Variants in ULK4 observed in about 807,000 individuals in gnomAD.
ULK4 encodes the protein inactive serine/threonine-protein kinase ULK4.
Under a neutral mutation model 160.6 loss-of-function variants are expected in ULK4, and 133 were observed. That is an observed-to-expected ratio of 0.83 (90% CI 0.72 to 0.96). The LOEUF is 0.96. ULK4 is among the 40% of genes least tolerant of loss of function. The probability of loss-of-function intolerance (pLI) is 0.00; values close to 1 mark genes in which losing one functional copy is unlikely to be tolerated. For synonymous variants in ULK4, 534 were observed against 539.8 expected, an observed-to-expected ratio of 0.99 and a Z score of 0.15; for missense variants, 1,580 against 1,499.5, an observed-to-expected ratio of 1.05 and a Z score of -0.89.
chr3:41,529,824 G>A (rs1292173565), intron 32 of ULK4, among the ~76,000 whole-genome samples: 4 of 152,124 alleles, frequency 2.6e-5, no homozygotes. Context: ...GATTATTTTT[G>A]CCTTTTCTAT....
intron 32 of ULK4, among the ~76,000 whole-genome samples, chr3:41,516,638 T>A (rs1263502219): frequency 7.1e-6 from 1 of 140,014 alleles, no homozygotes; most frequent in Non-Finnish European, 1.5e-5. Context: ...ATCAGAACAA[T>A]TGAACTCATG....
At chr3:41,839,653 T>C (rs2041855830) in intron 17 of ULK4, among the ~76,000 whole-genome samples, 1 of 151,812 alleles carries the variant, frequency 6.6e-6, no homozygotes, top group South Asian at 2.1e-4. Context: ...CAGATAATTA[T>C]TTGCAAATGA....
At chr3:41,408,734 A>C (rs2082347738) in intron 34 of ULK4, among the ~76,000 whole-genome samples, 1 of 152,154 alleles carries the variant, frequency 6.6e-6, no homozygotes, top group Non-Finnish European at 1.5e-5. Flanking sequence ...ACAGTAATCC[A>C]ACAAATGTGG....
chr3:41,763,105 A>G (rs947629384), intron 21 of ULK4, among the ~76,000 whole-genome samples: 59 of 152,268 alleles, frequency 3.9e-4, no homozygotes, highest in African/African-American at 1.4e-3. Flanking sequence ...ACAATTCAAG[A>G]TAAGATTTAG....
Position 41,543,438 on chromosome 3 carries a change from G to A in ULK4, c.3226+22587C>T, listed in dbSNP as rs765683762. On this transcript the variant is annotated intron_variant, in intron 32 of 36. Transcript: ENST00000301831. ...TCTGGGAGGATATTAGAACAATGTT[G>A]TATTGTGTGTGGAAGAGACAGAATC... Among the ~76,000 whole-genome samples, 72 of 152,244 alleles carry A rather than the reference G, an allele frequency of 4.7e-4. 1 individual carries two copies. In the Middle Eastern group the frequency reaches 0.01, roughly 22 times the overall value.
At position 41,957,551 on chromosome 3, in the gene ULK4, T is replaced by C. The variant is rs79152134; in HGVS notation, c.-48-2744A>G. ...CAGAAATTCACAACATATCTACATA[T>C]CAAAACAGCACATTGGCCAGGCACG... On this transcript the variant is annotated intron_variant, in intron 1 of 36. Transcript: ENST00000301831. 6.0e-5 allele frequency among the ~76,000 whole-genome samples: 9 copies of C among 150,700 alleles called. No individual in the cohort carries two copies. In the East Asian group the frequency reaches 1.8e-3, roughly 30 times the overall value.
chr3:41,632,747 A>C (rs2033799900), intron 30 of ULK4, among the ~76,000 whole-genome samples: 1 of 152,152 alleles, frequency 6.6e-6, no homozygotes, highest in Non-Finnish European at 1.5e-5. Context: ...AAAAAAAAAA[A>C]ACCTCATAGT....
At chr3:41,393,650 G>A (rs2081999781) in intron 35 of ULK4, among the ~76,000 whole-genome samples, 2 of 152,126 alleles carry the variant, frequency 1.3e-5, no homozygotes, top group South Asian at 2.1e-4. Flanking sequence ...ATCCCTGAGG[G>A]CAGGGAGCAG....
At chr3:41,663,186 A>C (rs1186691224) in intron 30 of ULK4, among the ~76,000 whole-genome samples, 2 of 152,040 alleles carry the variant, frequency 1.3e-5, no homozygotes, top group African/African-American at 4.8e-5. Context: ...ACACCATTGC[A>C]CTACAGCCTG....
intron 35 of ULK4, among the ~76,000 whole-genome samples, chr3:41,364,963 G>T (rs1038621949): frequency 7.9e-5 from 12 of 152,196 alleles, no homozygotes; most frequent in Non-Finnish European, 1.5e-4. Context: ...CAGGCAAGGG[G>T]TGGGGCCTGA....
In ULK4 at chr3:41,961,990, C is replaced by T. The variant is rs998152036; in HGVS notation, c.-49+26G>A. The T allele has an allele frequency of 1.6e-4, 25 of 152,456 alleles. 1 individual carries two copies. The highest frequency in any genetic ancestry group is 1.6e-3 in the Admixed American group (24 of 15,302). 9.4% of individuals were successfully genotyped at this position (152,456 alleles called of 1,614,324 possible). On this transcript the variant is annotated intron_variant, in intron 1 of 36. Transcript: ENST00000301831. ...GGCAGACACGAACTCAGACTCGTAG[C>T]TACTAAAACCGCCACTGCCACGCAC... is the stretch of plus-strand genomic sequence containing the variant.
At chr3:41,831,007 A>T (rs1222707597) in intron 18 of ULK4, among the ~76,000 whole-genome samples, 2 of 146,660 alleles carry the variant, frequency 1.4e-5, no homozygotes, top group Admixed American at 1.3e-4. Context: ...TGTTTTTATT[A>T]TTTTTTTTAT....
intron 31 of ULK4, among the ~76,000 whole-genome samples, chr3:41,574,326 T>C (rs1359786434): frequency 6.6e-6 from 1 of 152,052 alleles, no homozygotes; most frequent in Non-Finnish European, 1.5e-5. Context: ...CTTAGAATCA[T>C]CGGGACTACT....
intron 4 of ULK4, among the ~76,000 whole-genome samples, chr3:41,935,423 G>A (rs1430103209): frequency 6.6e-6 from 1 of 151,760 alleles, no homozygotes; most frequent in Non-Finnish European, 1.5e-5. Flanking sequence ...TTGAGATGGG[G>A]TTTCACCATG....
At chr3:41,263,048 C>T (rs188556454) in intron 35 of ULK4, among the ~76,000 whole-genome samples, 23 of 152,284 alleles carry the variant, frequency 1.5e-4, no homozygotes, top group Admixed American at 1.4e-3. Flanking sequence ...AGGACCCAAA[C>T]CAAGCACTTA....
At chr3:41,897,136 C>T (rs2148787627) in intron 14 of ULK4, 133 bp from the exon 15 acceptor site, 1 of 708,712 alleles carries the variant, frequency 1.4e-6, no homozygotes, top group Non-Finnish European at 2.2e-6. Flanking sequence ...ACCAAAAATA[C>T]TCCAAAGATG....
rs1006661913 is a variant in ULK4 at position 41,294,051 on chromosome 3, G to A, written c.3679-44477C>T. Reference sequence around the variant, plus strand: ...TAAAGTCTGCAATGCAGGATGCTAAGAGATGAGTGGAGAGATGTTACAGTC... The same window carrying A: ...TAAAGTCTGCAATGCAGGATGCTAAAAGATGAGTGGAGAGATGTTACAGTC... On this transcript the variant is annotated intron_variant, in intron 35 of 36. Coordinates refer to ENST00000301831, the MANE Select transcript of ULK4 (RefSeq NM_017886.4). 9.9e-5 allele frequency among the ~76,000 whole-genome samples: 15 copies of A among 152,252 alleles called. No homozygotes were observed. In the South Asian group the frequency reaches 2.1e-3, roughly 21 times the overall value.
intron 17 of ULK4, chr3:41,868,910 A>C (rs1446470098): frequency 6.6e-6 from 1 of 151,884 alleles, no homozygotes; most frequent in Non-Finnish European, 1.5e-5. Context: ...TCATCTTGTC[A>C]TTTGCTTTCT....
At chr3:41,633,962 A>C (rs542323450) in intron 30 of ULK4, among the ~76,000 whole-genome samples, 1 of 152,288 alleles carries the variant, frequency 6.6e-6, no homozygotes, top group Non-Finnish European at 1.5e-5. Context: ...GTGAGGTAGT[A>C]ATCATTAACC....
Sources: gnomAD v4.1 joint callset for allele counts (sites outside exome capture counted in the v4.1 genomes callset) on GRCh38, gnomAD v4.1.1 for gene constraint, MANE v1.5 for transcripts, NCBI Gene and HGNC (gene_info 2026-07-23, HGNC 2026-07-21) for gene names.